Variants in PROM1 observed in about 807,000 individuals in gnomAD.
PROM1 encodes prominin 1, also known as prominin-1.
In PROM1, 105 loss-of-function variants were observed where a neutral mutation model predicts 116.9. The ratio of observed to expected loss-of-function variants is 0.90; its 90% CI spans 0.77 to 1.06. The LOEUF (loss-of-function observed/expected upper bound fraction) is 1.06, where lower values mean the gene tolerates loss of function less well. PROM1 is among the 50% of genes least tolerant of loss of function. The pLI is 0.00. For missense variants in PROM1, 1,122 were observed against 1,045.2 expected (o/e 1.07, Z -1.01); for synonymous variants, 393 against 387.0 (o/e 1.02, Z -0.18).
intron 15 of PROM1, among the ~76,000 whole-genome samples, chr4:15,997,098 C>T (rs1193140909): frequency 6.6e-6 from 1 of 151,696 alleles, no homozygotes; most frequent in Non-Finnish European, 1.5e-5. Context: ...GAGAGCTGCC[C>T]ATGGGTTCAC....
chr4:16,052,681 G>A (rs1281350186), intron 2 of PROM1, among the ~76,000 whole-genome samples: 1 of 152,136 alleles, frequency 6.6e-6, no homozygotes, highest in Non-Finnish European at 1.5e-5. Context: ...AGGCTTTGCC[G>A]TGTTGCCTAG....
chr4:15,998,808 C>A (rs1008012784), intron 14 of PROM1, among the ~76,000 whole-genome samples: 6 of 152,096 alleles, frequency 3.9e-5, no homozygotes, highest in African/African-American at 2.4e-5. Context: ...CTCCCCCTTC[C>A]GGGTTAAAAT....
At chr4:15,997,619 C>T (rs754774877) in intron 15 of PROM1, among the ~76,000 whole-genome samples, 31 of 152,190 alleles carry the variant, frequency 2.0e-4, no homozygotes, top group African/African-American at 3.9e-4. Flanking sequence ...GCCACCATGA[C>T]TGGCTCATTT....
At chr4:15,995,405 G>T (rs1345325196) in intron 15 of PROM1, among the ~76,000 whole-genome samples, 1 of 151,632 alleles carries the variant, frequency 6.6e-6, no homozygotes, top group Non-Finnish European at 1.5e-5. Context: ...GGAGGAGGAG[G>T]AGAAGAAGAG....
intron 5 of PROM1, among the ~76,000 whole-genome samples, chr4:16,029,740 A>G (rs1252138051): frequency 6.6e-6 from 1 of 152,246 alleles, no homozygotes; most frequent in African/African-American, 2.4e-5. Context: ...ATTTAATTGT[A>G]ATATTTTGAG....
At chr4:16,019,953 C>T (rs1729429267) in intron 8 of PROM1, among the ~76,000 whole-genome samples, 2 of 152,070 alleles carry the variant, frequency 1.3e-5, no homozygotes, top group South Asian at 2.1e-4. Flanking sequence ...GGTTGCATCC[C>T]AGTTCTGCTT....
At chr4:15,971,203 A>G in intron 26 of PROM1, 121 bp from the exon 27 acceptor site, 1 of 728,200 alleles carries the variant, frequency 1.4e-6, no homozygotes, top group Non-Finnish European at 2.2e-6. Flanking sequence ...ACCACACCTC[A>G]TAAAGTTTAT....
At chr4:16,080,340 G>A (rs1313147644) in intron 1 of PROM1, among the ~76,000 whole-genome samples, 2 of 151,554 alleles carry the variant, frequency 1.3e-5, no homozygotes, top group African/African-American at 2.4e-5. Context: ...CTAACATGGT[G>A]AAACCCTGTC....
chr4:16,078,284 T>C (rs1424547369), intron 1 of PROM1: 6 of 152,424 alleles, frequency 3.9e-5, no homozygotes, highest in Admixed American at 3.9e-4. Flanking sequence ...GAGCAGCTTG[T>C]TTCACTCATG....
At chr4:16,067,797 T>TCTTTCCTGGGTA (rs201342567) in intron 2 of PROM1, among the ~76,000 whole-genome samples, 516 of 152,284 alleles carry the variant, frequency 3.4e-3, no homozygotes, top group African/African-American at 0.012. Flanking sequence ...ACCGCTTCTC[T>TCTTTCCTGGGTA]CTGCCTCTGA....
At chr4:15,979,247 T>C (rs745532155) in intron 26 of PROM1, 148 bp downstream of exon 26, 18 of 1,272,174 alleles carry the variant, frequency 1.4e-5, no homozygotes, top group Non-Finnish European at 1.7e-5. Flanking sequence ...TGGAACACTA[T>C]GTAGAGCATG....
At chr4:15,972,760 A>G (rs189036968) in intron 26 of PROM1, among the ~76,000 whole-genome samples, 2 of 152,350 alleles carry the variant, frequency 1.3e-5, no homozygotes, top group East Asian at 3.9e-4. Flanking sequence ...ATAAAGCAAT[A>G]AAATAAAGAA....
At chr4:16,025,518 G>A (rs932016254) in intron 5 of PROM1, among the ~76,000 whole-genome samples, 9 of 152,178 alleles carry the variant, frequency 5.9e-5, no homozygotes, top group African/African-American at 1.9e-4. Context: ...ACAGGACTCA[G>A]TCCTCTCAGA....
At chr4:16,046,999 T>C (rs1200052909) in intron 2 of PROM1, among the ~76,000 whole-genome samples, 2 of 152,218 alleles carry the variant, frequency 1.3e-5, no homozygotes, top group Non-Finnish European at 2.9e-5. Context: ...TAGGAGACAG[T>C]AATATAGATA....
At chr4:16,021,478 A>T (rs1252897189) in intron 8 of PROM1, among the ~76,000 whole-genome samples, 3 of 152,222 alleles carry the variant, frequency 2.0e-5, no homozygotes, top group African/African-American at 7.2e-5. Context: ...CACATAATAT[A>T]TGTGAGCTTG....
chr4:15,987,766 A>G, intron 19 of PROM1, 50 bp from the exon 20 acceptor site: 1 of 1,475,816 alleles, frequency 6.8e-7, no homozygotes, highest in Admixed American at 1.7e-5. Flanking sequence ...AAGCAGCAAG[A>G]TCACATACCT....
At chr4:15,986,816 G>A (rs917653433) in intron 20 of PROM1, among the ~76,000 whole-genome samples, 1 of 152,230 alleles carries the variant, frequency 6.6e-6, no homozygotes, top group Non-Finnish European at 1.5e-5. Context: ...TGGTCTCACT[G>A]AGAAAAGTGG....
At chr4:16,027,780 G>A (rs922961340) in intron 5 of PROM1, among the ~76,000 whole-genome samples, 8 of 152,134 alleles carry the variant, frequency 5.3e-5, no homozygotes, top group African/African-American at 1.9e-4. Context: ...GTGAGTTTAG[G>A]GGTCAAGCTT....
chr4:16,002,676 G>A (rs1425540904), intron 13 of PROM1, among the ~76,000 whole-genome samples: 2 of 152,232 alleles, frequency 1.3e-5, no homozygotes, highest in Non-Finnish European at 2.9e-5. Context: ...AGAAGTGAGT[G>A]AGGGCCATGC....
Sources: allele counts gnomAD v4.1 joint callset (sites outside exome capture counted in the v4.1 genomes callset), GRCh38; gene constraint gnomAD v4.1.1; transcripts MANE v1.5; gene names NCBI Gene and HGNC (gene_info 2026-07-23, HGNC 2026-07-21).